The following CNTNAP2 variants were observed in gnomAD, a reference collection of about 807,000 sequenced individuals.
The protein encoded by CNTNAP2 is contactin associated protein 2.
A neutral mutation model predicts 155.2 loss-of-function variants in CNTNAP2; 98 were observed. That is an observed-to-expected ratio of 0.63 (90% CI 0.54 to 0.75). CNTNAP2 has a LOEUF of 0.75. Among genes scored for constraint, CNTNAP2 ranks in the 30% least tolerant of loss-of-function variants. CNTNAP2 has a pLI of 0.00. For synonymous variants in CNTNAP2, 651 were observed against 631.2 expected (o/e 1.03, Z -0.47); for missense variants, 1,727 against 1,688.1 (o/e 1.02, Z -0.40).
chr7:147,302,944 C>G (rs62485029), intron 9 of CNTNAP2, among the ~76,000 whole-genome samples: 5,266 of 152,322 alleles, frequency 0.035, 126 homozygotes, highest in South Asian at 0.052. Context: ...TCCCAGCTCT[C>G]TAACTTGCTG....
At chr7:146,504,766 C>G (rs1284781436) in intron 1 of CNTNAP2, among the ~76,000 whole-genome samples, 1 of 152,052 alleles carries the variant, frequency 6.6e-6, no homozygotes, top group Non-Finnish European at 1.5e-5. Context: ...ATAAGGCCAC[C>G]CCCAGGTAGA....
At chr7:147,839,781 C>T (rs1798696099) in intron 13 of CNTNAP2, among the ~76,000 whole-genome samples, 2 of 152,056 alleles carry the variant, frequency 1.3e-5, no homozygotes, top group South Asian at 2.1e-4. Context: ...AAAAAGGATG[C>T]CTGCACTTGT....
At chr7:148,088,833 C>A (rs1803786557) in intron 15 of CNTNAP2, among the ~76,000 whole-genome samples, 1 of 151,784 alleles carries the variant, frequency 6.6e-6, no homozygotes, top group Non-Finnish European at 1.5e-5. Flanking sequence ...ACCCTGATAA[C>A]AAAGCCAGAA....
intron 9 of CNTNAP2, among the ~76,000 whole-genome samples, chr7:147,348,739 A>C (rs1296239098): frequency 1.3e-5 from 2 of 152,090 alleles, no homozygotes; most frequent in Non-Finnish European, 2.9e-5. Flanking sequence ...ACATGGAATC[A>C]ACCCAGGTAT....
rs1245024803 is a variant in CNTNAP2 at position 147,566,061 on chromosome 7, G to A, written c.1897+3804G>A. Among the ~76,000 whole-genome samples the A allele has an allele frequency of 5.4e-5, 8 of 149,086 alleles. 1 individual carries two copies. The highest frequency in any genetic ancestry group is 2.2e-4 in the South Asian group (1 of 4,640). ...TTTGGGAGGCCAAGACAGGTGGATC[G>A]CTTGAGCCCAGGAGTTCAAGACCAG... On this transcript the variant is annotated intron_variant, in intron 12 of 23. Transcript: ENST00000361727.
At chr7:147,109,521 T>G (rs368139006) in intron 5 of CNTNAP2, among the ~76,000 whole-genome samples, 29 of 152,182 alleles carry the variant, frequency 1.9e-4, no homozygotes, top group African/African-American at 6.0e-4. Context: ...AGAGGAAGAC[T>G]AAAATGGAGA....
intron 8 of CNTNAP2, among the ~76,000 whole-genome samples, chr7:147,206,263 T>TTA (rs1554451446): frequency 5.8e-5 from 8 of 139,118 alleles, no homozygotes; most frequent in South Asian, 2.2e-4. Flanking sequence ...TAAACCTGTA[T>TTA]AAAAAAAAAA....
chr7:147,053,984 CAG>C (rs1191168194), intron 4 of CNTNAP2, among the ~76,000 whole-genome samples: 7 of 152,150 alleles, frequency 4.6e-5, no homozygotes, highest in African/African-American at 1.2e-4. Context: ...CCAAAACCCA[CAG>C]AGTTATGCGA....
At chr7:147,603,955 A>G (rs1357206837) in intron 12 of CNTNAP2, among the ~76,000 whole-genome samples, 1 of 151,178 alleles carries the variant, frequency 6.6e-6, no homozygotes, top group Non-Finnish European at 1.5e-5. Flanking sequence ...AAACCTGAGA[A>G]AAACAAGCAA....
At chr7:146,394,714 A>G (rs1437751995) in intron 1 of CNTNAP2, among the ~76,000 whole-genome samples, 1 of 152,144 alleles carries the variant, frequency 6.6e-6, no homozygotes, top group African/African-American at 2.4e-5. Context: ...TAATATTAGT[A>G]TGGTTATTTC....
Position 146,369,050 on chromosome 7 carries a change from T to TATATATATATAC in CNTNAP2, c.97+252078_97+252079insTATATATATACA, listed in dbSNP as rs1286983889. On this transcript the variant is annotated intron_variant, in intron 1 of 23. Coordinates refer to ENST00000361727, the MANE Select transcript of CNTNAP2 (RefSeq NM_014141.6). ...TTATGTATATATATATATATATATA[T>TATATATATATAC]ACATATATATATATACTCATAACTC... Among the ~76,000 whole-genome samples the TATATATATATAC allele has an allele frequency of 1.8e-3, 255 of 139,178 alleles. 1 individual carries two copies. Among genetic ancestry groups the TATATATATATAC allele is most frequent in the African/African-American group, 5.0e-3 (186 of 36,888 alleles). The allele number at this position is 139,178 out of a possible 152,430, so 91.3% of individuals were successfully genotyped here.
At chr7:146,294,225 A>G (rs1330037114) in intron 1 of CNTNAP2, among the ~76,000 whole-genome samples, 1 of 152,224 alleles carries the variant, frequency 6.6e-6, no homozygotes, top group Admixed American at 6.5e-5. Flanking sequence ...ACATTCAGTC[A>G]TTCATCTTAA....
chr7:147,820,860 T>C (rs1240058133), intron 13 of CNTNAP2, among the ~76,000 whole-genome samples: 2 of 152,164 alleles, frequency 1.3e-5, no homozygotes, highest in Admixed American at 1.3e-4. Context: ...TTCTGTCCCA[T>C]TGATTTATTT....
chr7:147,674,651 T>C (rs1219330333), intron 13 of CNTNAP2, among the ~76,000 whole-genome samples: 1 of 152,122 alleles, frequency 6.6e-6, no homozygotes, highest in Non-Finnish European at 1.5e-5. Flanking sequence ...GCAATAGAGA[T>C]CAAGAGATTA....
intron 8 of CNTNAP2, among the ~76,000 whole-genome samples, chr7:147,135,757 A>G (rs997678453): frequency 1.3e-5 from 2 of 148,236 alleles, no homozygotes; most frequent in African/African-American, 5.0e-5. Context: ...TAAGTGTGAT[A>G]TTTTCTTTTC....
intron 12 of CNTNAP2, among the ~76,000 whole-genome samples, chr7:147,607,929 G>A (rs1305309688): frequency 6.6e-6 from 1 of 152,060 alleles, no homozygotes; most frequent in African/African-American, 2.4e-5. Flanking sequence ...TTATTTATAT[G>A]CTGCCTCTCA....
intron 1 of CNTNAP2, among the ~76,000 whole-genome samples, chr7:146,516,988 A>G (rs1797550962): frequency 6.6e-6 from 1 of 152,018 alleles, no homozygotes; most frequent in Non-Finnish European, 1.5e-5. Context: ...AGTTTTAGTT[A>G]CCCATGGCCA....
At chr7:147,637,782 C>T (rs1795206431) in intron 12 of CNTNAP2, among the ~76,000 whole-genome samples, 1 of 152,148 alleles carries the variant, frequency 6.6e-6, no homozygotes, top group African/African-American at 2.4e-5. Context: ...TGTGTATTTT[C>T]ATCCAAAGGT....
intron 1 of CNTNAP2, among the ~76,000 whole-genome samples, chr7:146,747,442 T>C (rs1801828216): frequency 6.6e-6 from 1 of 152,218 alleles, no homozygotes; most frequent in Non-Finnish European, 1.5e-5. Context: ...TTGTTTTCTT[T>C]TCAGTGAATA....
Sources: gnomAD v4.1 joint callset for allele counts (sites outside exome capture counted in the v4.1 genomes callset) on GRCh38, gnomAD v4.1.1 for gene constraint, MANE v1.5 for transcripts, NCBI Gene and HGNC (gene_info 2026-07-23, HGNC 2026-07-21) for gene names.